COL23A1: variants seen among roughly 807,000 people sequenced by gnomAD.
COL23A1 encodes the protein collagen type XXIII alpha 1 chain.
A neutral mutation model predicts 99.3 loss-of-function variants in COL23A1; 97 were observed. The ratio of observed to expected loss-of-function variants is 0.98; its 90% CI spans 0.83 to 1.16. COL23A1 has a LOEUF of 1.16. COL23A1 is among the 50% of genes most tolerant of loss of function. The pLI, the probability that COL23A1 is intolerant of heterozygous loss-of-function variation, is 0.00. For synonymous variants in COL23A1, 320 were observed against 308.2 expected (o/e 1.04, Z -0.40); for missense variants, 762 against 757.4 (o/e 1.01, Z -0.07).
At chr5:178,587,579 T>C (rs2113766965) in intron 1 of COL23A1, among the ~76,000 whole-genome samples, 1 of 152,286 alleles carries the variant, frequency 6.6e-6, no homozygotes, top group South Asian at 2.1e-4. Context: ...GCCCGCACAC[T>C]CACATACACG....
intron 2 of COL23A1, among the ~76,000 whole-genome samples, chr5:178,489,047 C>T (rs1196995903): frequency 6.6e-6 from 1 of 152,240 alleles, no homozygotes; most frequent in Non-Finnish European, 1.5e-5. Flanking sequence ...TGGCCTATTG[C>T]TGTCGACCTG....
chr5:178,342,190 T>C (rs1253457029), intron 2 of COL23A1, among the ~76,000 whole-genome samples: 1 of 152,126 alleles, frequency 6.6e-6, no homozygotes, highest in African/African-American at 2.4e-5. Flanking sequence ...TGGCCCACGA[T>C]GGAGGAATAT....
At chr5:178,547,982 C>A (rs1761784291) in intron 2 of COL23A1, among the ~76,000 whole-genome samples, 1 of 53,100 alleles carries the variant, frequency 1.9e-5, no homozygotes, top group Non-Finnish European at 3.7e-5. Context: ...ATACCCACAC[C>A]CACCCCCCAC....
At chr5:178,368,699 C>T (rs562158974) in intron 2 of COL23A1, among the ~76,000 whole-genome samples, 4 of 152,114 alleles carry the variant, frequency 2.6e-5, no homozygotes, top group African/African-American at 7.3e-5. Context: ...CTCCAGAAGC[C>T]GTCAGCCTCC....
intron 1 of COL23A1, among the ~76,000 whole-genome samples, chr5:178,583,007 C>T (rs539195044): frequency 6.6e-6 from 1 of 152,340 alleles, no homozygotes; most frequent in South Asian, 2.1e-4. Context: ...GGAGCTCAGG[C>T]CTGGCCCTGC....
chr5:178,364,518 G>A (rs1762358058), intron 2 of COL23A1, among the ~76,000 whole-genome samples: 1 of 152,044 alleles, frequency 6.6e-6, no homozygotes, highest in South Asian at 2.1e-4. Context: ...TGTTCATCTG[G>A]TGGAGTTGAG....
chr5:178,357,932 GTGTATGTA>G (rs771424812), intron 2 of COL23A1, among the ~76,000 whole-genome samples: 2 of 149,776 alleles, frequency 1.3e-5, no homozygotes, highest in Admixed American at 6.7e-5. Context: ...ATGTGTGTAT[GTGTATGTA>G]TGTGTGTGTA....
chr5:178,559,313 G>A (rs542606999), intron 2 of COL23A1, among the ~76,000 whole-genome samples: 7 of 152,296 alleles, frequency 4.6e-5, no homozygotes, highest in African/African-American at 7.2e-5. Context: ...TTTGGTTTCC[G>A]GACACTTGGC....
chr5:178,288,275 G>C, intron 5 of COL23A1, 49 bp downstream of exon 5: 1 of 1,429,996 alleles, frequency 7.0e-7, no homozygotes, highest in Non-Finnish European at 9.9e-7. Flanking sequence ...AAAGAATATT[G>C]GTTTAAGAGA....
intron 2 of COL23A1, among the ~76,000 whole-genome samples, chr5:178,512,662 C>T (rs1316539833): frequency 2.0e-5 from 3 of 152,212 alleles, no homozygotes; most frequent in Non-Finnish European, 4.4e-5. Context: ...GAGGACAGAG[C>T]TTTGCATGAG....
intron 1 of COL23A1, among the ~76,000 whole-genome samples, chr5:178,572,722 C>G (rs150309508): frequency 6.6e-6 from 1 of 152,166 alleles, no homozygotes; most frequent in African/African-American, 2.4e-5. Flanking sequence ...GGGACTGGCA[C>G]GTGAATACCC....
In COL23A1 at chr5:178,458,055, A is replaced by G. The variant is rs115639901; in HGVS notation, c.361+102627T>C. On this transcript the variant is annotated intron_variant, in intron 2 of 28. Transcript: ENST00000390654. ...CCATCTTGTCATAGTGGAAGCAAAG[A>G]AACTACCAGGGACAATTAGGGTCAT... Among the ~76,000 whole-genome samples the G allele has an allele frequency of 7.3e-3, 938 of 128,784 alleles. 13 individuals are homozygous for G. Among genetic ancestry groups the G allele is most frequent in the African/African-American group, 0.026 (896 of 34,058 alleles). 84.5% of individuals were successfully genotyped at this position (128,784 alleles called of 152,430 possible). A position where few individuals can be genotyped will look rare whatever the true frequency, so the allele number is the denominator to read the frequency against.
At chr5:178,494,358 C>A (rs4976785) in intron 2 of COL23A1, among the ~76,000 whole-genome samples, 55,665 of 151,994 alleles carry the variant, frequency 0.37, 11,887 homozygotes, top group Admixed American at 0.5. Flanking sequence ...AGGTCACATG[C>A]CATGAACGTG....
intron 2 of COL23A1, among the ~76,000 whole-genome samples, chr5:178,348,565 C>T (rs1478852537): frequency 6.6e-6 from 1 of 152,218 alleles, no homozygotes; most frequent in Admixed American, 6.5e-5. Flanking sequence ...ACCCTCACAG[C>T]GGCTTCCCTG....
At chr5:178,467,663 G>A (rs931206593) in intron 2 of COL23A1, among the ~76,000 whole-genome samples, 2 of 152,100 alleles carry the variant, frequency 1.3e-5, no homozygotes, top group African/African-American at 2.4e-5. Flanking sequence ...CGGCACACCC[G>A]CTTCGTGATT....
At chr5:178,392,720 T>C (rs1764032044) in intron 2 of COL23A1, among the ~76,000 whole-genome samples, 1 of 152,116 alleles carries the variant, frequency 6.6e-6, no homozygotes, top group South Asian at 2.1e-4. Context: ...TTTCACCACT[T>C]GCAAATGTAA....
chr5:178,358,749 GTATC>G (rs748022270), intron 2 of COL23A1, among the ~76,000 whole-genome samples: 19 of 147,534 alleles, frequency 1.3e-4, no homozygotes, highest in African/African-American at 3.7e-4. Flanking sequence ...ATCTGTGTGT[GTATC>G]TGTGTGTGTG....
At chr5:178,539,872 T>C (rs116394600) in intron 2 of COL23A1, among the ~76,000 whole-genome samples, 110 of 152,272 alleles carry the variant, frequency 7.2e-4, no homozygotes, top group African/African-American at 2.6e-3. Context: ...AAACAAAAGA[T>C]TAGCAAATTG....
chr5:178,485,094 C>T (rs764960395), intron 2 of COL23A1, among the ~76,000 whole-genome samples: 2 of 152,148 alleles, frequency 1.3e-5, no homozygotes, highest in Non-Finnish European at 1.5e-5. Flanking sequence ...CCAAAAATTC[C>T]AGCAATATGC....
Sources: gnomAD v4.1 joint callset for allele counts (sites outside exome capture counted in the v4.1 genomes callset) on GRCh38, gnomAD v4.1.1 for gene constraint, MANE v1.5 for transcripts, NCBI Gene and HGNC (gene_info 2026-07-23, HGNC 2026-07-21) for gene names.